The following CYP2C19 variants were observed in gnomAD, a reference collection of about 807,000 sequenced individuals.
CYP2C19 encodes cytochrome P450 2C19.
Under a neutral mutation model 40.9 loss-of-function variants are expected in CYP2C19, and 59 were observed. The observed-to-expected ratio is 1.44, with a 90% CI of 1.17 to 1.79. The LOEUF (loss-of-function observed/expected upper bound fraction) is 1.79, where lower values mean the gene tolerates loss of function less well. Ranked by LOEUF, CYP2C19 falls within the 40% of genes most tolerant of loss-of-function variation. The pLI is 0.00. For synonymous variants in CYP2C19, 253 were observed against 208.7 expected (o/e 1.21, Z -1.83); for missense variants, 754 against 596.9 (o/e 1.26, Z -2.74).
chr10:94,803,240 AT>A (rs1035839183), intron 5 of CYP2C19, among the ~76,000 whole-genome samples: 7 of 151,796 alleles, frequency 4.6e-5, no homozygotes, highest in South Asian at 2.1e-4. Context: ...TTCTCTCCCT[AT>A]TTTTTTCTTT....
At chr10:94,826,704 G>A (rs1395529085) in intron 6 of CYP2C19, among the ~76,000 whole-genome samples, 1 of 152,154 alleles carries the variant, frequency 6.6e-6, no homozygotes, top group African/African-American at 2.4e-5. Context: ...TGTTGAATAG[G>A]AGTGGCAAGA....
At chr10:94,778,400 C>T (rs547462145) in intron 3 of CYP2C19, among the ~76,000 whole-genome samples, 1 of 152,126 alleles carries the variant, frequency 6.6e-6, no homozygotes, top group African/African-American at 2.4e-5. Context: ...TTTCCCTATA[C>T]TTTCTCCCAC....
chr10:94,802,724 AT>A (rs1848784162), intron 5 of CYP2C19, among the ~76,000 whole-genome samples: 1 of 151,956 alleles, frequency 6.6e-6, no homozygotes. Flanking sequence ...GCTGGTACCA[AT>A]TTTTCCTTTC....
chr10:94,805,419 T>C (rs1369909081), intron 5 of CYP2C19, among the ~76,000 whole-genome samples: 1 of 152,216 alleles, frequency 6.6e-6, no homozygotes, highest in African/African-American at 2.4e-5. Context: ...TGTAATCTTT[T>C]AAATTTTGTA....
At chr10:94,778,852 T>C (rs1848445152) in intron 3 of CYP2C19, among the ~76,000 whole-genome samples, 1 of 152,108 alleles carries the variant, frequency 6.6e-6, no homozygotes, top group African/African-American at 2.4e-5. Flanking sequence ...AGCAAAGACT[T>C]GGAACCAACC....
chr10:94,825,962 A>T (rs1356772544), intron 6 of CYP2C19, among the ~76,000 whole-genome samples: 1 of 150,228 alleles, frequency 6.7e-6, no homozygotes, highest in African/African-American at 2.4e-5. Context: ...AAGATCAGAT[A>T]GTTGTAGATA....
At chr10:94,845,079 G>A (rs796421830) in intron 7 of CYP2C19, among the ~76,000 whole-genome samples, 7 of 152,290 alleles carry the variant, frequency 4.6e-5, no homozygotes, top group African/African-American at 1.7e-4. Context: ...GCAGCACTGC[G>A]TGGCCAATTC....
At chr10:94,807,431 A>G (rs573642812) in intron 5 of CYP2C19, among the ~76,000 whole-genome samples, 1 of 152,210 alleles carries the variant, frequency 6.6e-6, no homozygotes, top group African/African-American at 2.4e-5. Context: ...TTGCTGGATT[A>G]TATGGTAGTT....
chr10:94,773,203 G>A (rs540787307), intron 1 of CYP2C19, among the ~76,000 whole-genome samples: 5 of 152,306 alleles, frequency 3.3e-5, no homozygotes, highest in African/African-American at 1.2e-4. Flanking sequence ...ATAGGCAAAA[G>A]TCCCTTCATT....
intron 3 of CYP2C19, among the ~76,000 whole-genome samples, chr10:94,777,538 A>G (rs905928326): frequency 6.6e-6 from 1 of 152,182 alleles, no homozygotes; most frequent in Non-Finnish European, 1.5e-5. Flanking sequence ...CCTGACAAAA[A>G]CAAGCAATGG....
chr10:94,787,539 C>T (rs1287779254), intron 5 of CYP2C19, among the ~76,000 whole-genome samples: 1 of 152,004 alleles, frequency 6.6e-6, no homozygotes, highest in Non-Finnish European at 1.5e-5. Flanking sequence ...GTTCCAATTG[C>T]TTTTGAGGGA....
chr10:94,787,630 T>A (rs993428691), intron 5 of CYP2C19, among the ~76,000 whole-genome samples: 17 of 152,164 alleles, frequency 1.1e-4, no homozygotes, highest in African/African-American at 4.1e-4. Flanking sequence ...TAGTTTGATG[T>A]TTTAAACTTA....
intron 5 of CYP2C19, among the ~76,000 whole-genome samples, chr10:94,797,509 T>G (rs1209133138): frequency 1.3e-5 from 2 of 152,080 alleles, no homozygotes; most frequent in African/African-American, 2.4e-5. Flanking sequence ...CTCATAAAAT[T>G]AGTTAGGGAG....
chr10:94,815,620 C>T (rs548838061), intron 5 of CYP2C19, among the ~76,000 whole-genome samples: 1 of 152,284 alleles, frequency 6.6e-6, no homozygotes, highest in East Asian at 1.9e-4. Context: ...CAATTAATGT[C>T]CTTATTCTCC....
chr10:94,788,455 G>A (rs368766541), intron 5 of CYP2C19, among the ~76,000 whole-genome samples: 2 of 152,160 alleles, frequency 1.3e-5, no homozygotes, highest in Admixed American at 1.3e-4. Context: ...GTGCAGTTTT[G>A]CTACATAGGT....
At chr10:94,800,414 C>T (rs545587773) in intron 5 of CYP2C19, among the ~76,000 whole-genome samples, 2 of 152,262 alleles carry the variant, frequency 1.3e-5, no homozygotes, top group South Asian at 4.2e-4. Context: ...AGAGGGACAC[C>T]CACGTGTATG....
intron 1 of CYP2C19, among the ~76,000 whole-genome samples, chr10:94,771,942 C>A (rs972265738): frequency 6.6e-6 from 1 of 152,048 alleles, no homozygotes; most frequent in Non-Finnish European, 1.5e-5. Context: ...AAAACGTGTA[C>A]CCCTGCCTGT....
intron 5 of CYP2C19, among the ~76,000 whole-genome samples, chr10:94,817,023 A>G (rs373322185): frequency 0.15 from 15,151 of 104,302 alleles, 1,160 homozygotes; most frequent in East Asian, 0.29. Context: ...ATTGTGAATA[A>G]TGCCGCAATA....
Position 94,842,974 on chromosome 10 carries a change from C to T in CYP2C19, c.1099C>T (p.Pro367Ser), listed in dbSNP as rs1379629454. 2.5e-6 allele frequency: 4 copies of T among 1,614,094 alleles called. No homozygotes were observed. The highest frequency in any genetic ancestry group is 2.5e-6 in the Non-Finnish European group (3 of 1,180,048). Residue 367 changes from proline (P) to serine (S), a missense_variant, in exon 7 of 9, where the codon CCC (proline) becomes TCC (serine). Physicochemically the swap from Pro to Ser is moderately conservative, Grantham distance 74. Transcript: ENST00000371321. The stretch of plus-strand genomic sequence containing the variant: ...CATCGACCTCATCCCCACCAGCCTG[C>T]CCCATGCAGTGACCTGTGACGTTAA... ...RYIDLIPTSL[P>S]HAVTCDVKFR...
Sources: allele counts gnomAD v4.1 joint callset (sites outside exome capture counted in the v4.1 genomes callset), GRCh38; gene constraint gnomAD v4.1.1; transcripts MANE v1.5; gene names NCBI Gene and HGNC (gene_info 2026-07-23, HGNC 2026-07-21).